Variants in ARHGAP42 observed in about 807,000 individuals in gnomAD.
The protein encoded by ARHGAP42 is rho GTPase-activating protein 42.
In ARHGAP42, 63 loss-of-function variants were observed where a neutral mutation model predicts 125.0. The observed-to-expected ratio is 0.50, with a 90% confidence interval of 0.41 to 0.62. The LOEUF (loss-of-function observed/expected upper bound fraction) is 0.62. Among genes scored for constraint, ARHGAP42 ranks in the 20% least tolerant of loss-of-function variants. The pLI is 0.00. For missense variants in ARHGAP42, 766 were observed against 1,024.2 expected, an observed-to-expected ratio of 0.75 and a Z score of 3.44; for synonymous variants, 339 against 351.0, an observed-to-expected ratio of 0.97 and a Z score of 0.38.
chr11:100,714,389 TTGTG>T (rs10609660), intron 1 of ARHGAP42, among the ~76,000 whole-genome samples: 37,391 of 149,560 alleles, frequency 0.25, 4,791 homozygotes, highest in African/African-American at 0.27. Flanking sequence ...ACATAAAAAT[TTGTG>T]TGTGTGTGTG....
intron 3 of ARHGAP42, among the ~76,000 whole-genome samples, chr11:100,835,334 G>A (rs1864759685): frequency 6.6e-6 from 1 of 152,092 alleles, no homozygotes; most frequent in Non-Finnish European, 1.5e-5. Context: ...ATACATGCAC[G>A]TCGTAATCTC....
At chr11:100,952,878 C>T (rs1331127498) in intron 12 of ARHGAP42, among the ~76,000 whole-genome samples, 1 of 152,050 alleles carries the variant, frequency 6.6e-6, no homozygotes, top group Non-Finnish European at 1.5e-5. Flanking sequence ...CAGGCACATG[C>T]CACCACGCCC....
chr11:100,795,314 TG>T (rs747472827), intron 3 of ARHGAP42, 148 bp downstream of exon 3: 9 of 547,290 alleles, frequency 1.6e-5, no homozygotes, highest in Non-Finnish European at 2.5e-5. Flanking sequence ...AAAAGATTTG[TG>T]ACTATAATTA....
chr11:100,865,984 T>C (rs1406233023), intron 4 of ARHGAP42, among the ~76,000 whole-genome samples: 2 of 152,206 alleles, frequency 1.3e-5, no homozygotes, highest in Admixed American at 6.5e-5. Context: ...GTGTGCGATA[T>C]TGCTTTTTGA....
chr11:100,988,219 C>CAG (rs140242844), intron 23 of ARHGAP42, among the ~76,000 whole-genome samples: 14,013 of 152,118 alleles, frequency 0.092, 921 homozygotes, highest in Non-Finnish European at 0.13. Flanking sequence ...GTGTGTGAGA[C>CAG]AGAGAGATTG....
rs142443964 is a variant in ARHGAP42, at chr11:100,992,153, TGTA to T, written c.*3355_*3357del. 6.0e-5 allele frequency: 47 copies of T among 781,354 alleles called. No homozygotes were observed. The highest frequency in any genetic ancestry group is 5.9e-4 in the African/African-American group (34 of 57,162). The allele number at this position is 781,354 out of a possible 1,614,324, so 48.4% of individuals were successfully genotyped here. A position where few individuals can be genotyped will look rare whatever the true frequency, so the allele number is the denominator to read the frequency against. ...AGCTTTGCCTCAAGCAATTTCAAATTGTAGTGATACCTTAAATCATGTATTCAG... is the reference window on the plus strand; with the variant it reads ...AGCTTTGCCTCAAGCAATTTCAAATTGTGATACCTTAAATCATGTATTCAG... On this transcript the variant is annotated 3_prime_UTR_variant, in exon 24 of 24. Coordinates refer to ENST00000298815, the MANE Select transcript of ARHGAP42 (RefSeq NM_152432.4).
intron 1 of ARHGAP42, 129 bp from the exon 2 acceptor site, chr11:100,770,214 T>C: frequency 3.1e-6 from 2 of 643,360 alleles, no homozygotes; most frequent in South Asian, 2.6e-5. Context: ...GTTAAATTAG[T>C]CAAACTGGTA....
At chr11:100,893,293 G>A (rs533861076) in intron 4 of ARHGAP42, among the ~76,000 whole-genome samples, 2 of 151,912 alleles carry the variant, frequency 1.3e-5, no homozygotes, top group Non-Finnish European at 2.9e-5. Flanking sequence ...TTTGTTGTAG[G>A]TTGATGTTGG....
intron 1 of ARHGAP42, among the ~76,000 whole-genome samples, chr11:100,761,840 T>C (rs1475237191): frequency 2.0e-5 from 3 of 152,258 alleles, no homozygotes; most frequent in Non-Finnish European, 2.9e-5. Flanking sequence ...TTCAAGTTTC[T>C]GTTCTATACC....
intron 8 of ARHGAP42, among the ~76,000 whole-genome samples, chr11:100,939,028 G>A (rs545393658): frequency 9.8e-5 from 15 of 152,328 alleles, no homozygotes; most frequent in African/African-American, 3.4e-4. Context: ...GATAAATGGA[G>A]ATGGATGTGA....
intron 3 of ARHGAP42, among the ~76,000 whole-genome samples, chr11:100,852,839 A>G (rs997029858): frequency 5.3e-5 from 8 of 152,324 alleles, no homozygotes; most frequent in African/African-American, 1.9e-4. Context: ...CCAGAGGTAC[A>G]AAGTTCAGCA....
Position 100,976,370 on chromosome 11 carries a change from G to T in ARHGAP42, c.2169G>T (p.Glu723Asp), listed in dbSNP as rs1858391330. The T allele has an allele frequency of 6.5e-7, 1 of 1,550,048 alleles. No homozygotes were observed. The highest frequency in any genetic ancestry group is 1.4e-5 in the African/African-American group (1 of 72,966). ...VSPPIDLVKKEPYGLSGLKRA... is the reference protein window; with the variant it reads ...VSPPIDLVKKDPYGLSGLKRA... ...CACCCATAGACCTAGTCAAGAAAGA[G>T]CCTTATGGGCTTTCAGGACTGAAAA... is the stretch of plus-strand genomic sequence containing the variant. Residue 723 changes from glutamate (E) to aspartate (D), a missense_variant, in exon 20 of 24, where the codon GAG (glutamate) becomes GAT (aspartate). This residue lies in a region of ARHGAP42 where 308 missense variants were observed against 369.7 expected (regional missense o/e 0.83). Coordinates refer to ENST00000298815, the MANE Select transcript of ARHGAP42 (RefSeq NM_152432.4).
chr11:100,981,121 A>G (rs958755613), intron 22 of ARHGAP42, among the ~76,000 whole-genome samples: 4 of 152,264 alleles, frequency 2.6e-5, no homozygotes, highest in Middle Eastern at 3.4e-3. Flanking sequence ...AGAGTTACCA[A>G]TGTTGGGGAA....
chr11:100,798,579 CAGT>C (rs1448915177), intron 3 of ARHGAP42, among the ~76,000 whole-genome samples: 1 of 152,184 alleles, frequency 6.6e-6, no homozygotes, highest in Non-Finnish European at 1.5e-5. Context: ...ATTGCACACT[CAGT>C]AGACTACAAT....
At chr11:100,927,781 G>A (rs1382283887) in intron 6 of ARHGAP42, among the ~76,000 whole-genome samples, 1 of 152,150 alleles carries the variant, frequency 6.6e-6, no homozygotes, top group Non-Finnish European at 1.5e-5. Context: ...GAATTCCAAT[G>A]ACGCTTTTCA....
At chr11:100,771,991 C>A (rs7112366) in intron 2 of ARHGAP42, among the ~76,000 whole-genome samples, 1 of 152,072 alleles carries the variant, frequency 6.6e-6, no homozygotes, top group Non-Finnish European at 1.5e-5. Flanking sequence ...CCATGGACCA[C>A]GCTCTGAGAA....
chr11:100,935,243 A>T (rs1382141407), intron 7 of ARHGAP42, among the ~76,000 whole-genome samples: 1 of 152,168 alleles, frequency 6.6e-6, no homozygotes, highest in Non-Finnish European at 1.5e-5. Context: ...ATTCATAGAG[A>T]AAAGTCTGAT....
chr11:100,761,948 G>T (rs1428764134), intron 1 of ARHGAP42, among the ~76,000 whole-genome samples: 2 of 152,176 alleles, frequency 1.3e-5, no homozygotes, highest in Admixed American at 6.6e-5. Flanking sequence ...ATTCAGAGGG[G>T]CTAAGTACTT....
intron 2 of ARHGAP42, among the ~76,000 whole-genome samples, chr11:100,780,156 CTG>C (rs1863269952): frequency 6.6e-6 from 1 of 152,062 alleles, no homozygotes; most frequent in Middle Eastern, 3.4e-3. Context: ...GTGACAAGAA[CTG>C]TGCTTGTGAA....
Sources: allele counts gnomAD v4.1 joint callset (sites outside exome capture counted in the v4.1 genomes callset), GRCh38; gene constraint gnomAD v4.1.1; regional missense constraint gnomAD v4.1.1; transcripts MANE v1.5; gene names NCBI Gene and HGNC (gene_info 2026-07-23, HGNC 2026-07-21).